RAB6A: variants seen among roughly 807,000 people sequenced by gnomAD.
The protein encoded by RAB6A is RAB6A, member RAS oncogene family.
A neutral mutation model predicts 32.3 loss-of-function variants in RAB6A; 8 were observed. The observed-to-expected ratio is 0.25, with a 90% confidence interval of 0.15 to 0.45. RAB6A has a LOEUF of 0.45. Among genes scored for constraint, RAB6A ranks in the 20% least tolerant of loss-of-function variants. The pLI, the probability that RAB6A is intolerant of heterozygous loss-of-function variation, is 1.00. For missense variants in RAB6A, 104 were observed against 249.4 expected (o/e 0.42, Z 3.93); for synonymous variants, 73 against 82.1 (o/e 0.89, Z 0.60).
chr11:73,706,411 G>A (rs1429579744), intron 6 of RAB6A, among the ~76,000 whole-genome samples: 3 of 151,976 alleles, frequency 2.0e-5, no homozygotes, highest in African/African-American at 7.3e-5. Context: ...CTACTCGGGA[G>A]GCTGAGGTAG....
In RAB6A at chr11:73,716,905, AT is replaced by A. The variant is rs1156633917; in HGVS notation, c.290-544del. On this transcript the variant is annotated intron_variant, in intron 4 of 7. Transcript: ENST00000336083. ...ATGCATCAGAAACACTTGTAACAAA[AT>A]TTATCTTTTCTAGTGTTGGATTCTA... Among the ~76,000 whole-genome samples, 9 of 152,234 alleles carry A rather than the reference AT, an allele frequency of 5.9e-5. 1 individual carries two copies. The highest frequency in any genetic ancestry group is 5.9e-4 in the Admixed American group (9 of 15,274).
intron 6 of RAB6A, among the ~76,000 whole-genome samples, chr11:73,691,714 A>G (rs1447905744): frequency 6.6e-6 from 1 of 152,196 alleles, no homozygotes; most frequent in East Asian, 1.9e-4. Context: ...TAATCCCAGC[A>G]CTTTGGGAGG....
At chr11:73,743,611 T>G (rs1946535547) in intron 1 of RAB6A, among the ~76,000 whole-genome samples, 1 of 151,938 alleles carries the variant, frequency 6.6e-6, no homozygotes. Flanking sequence ...GGCGAGATCC[T>G]GTCTCAGAAA....
intron 1 of RAB6A, 58 bp downstream of exon 1, chr11:73,760,508 G>A (rs905383234): frequency 1.6e-5 from 24 of 1,538,696 alleles, no homozygotes; most frequent in African/African-American, 6.9e-5. Flanking sequence ...GGGCCGCACC[G>A]GGGGCGGTGC....
intron 1 of RAB6A, among the ~76,000 whole-genome samples, chr11:73,734,188 C>T (rs1268022837): frequency 1.3e-5 from 2 of 152,262 alleles, no homozygotes; most frequent in East Asian, 1.9e-4. Context: ...TGCAGTGACA[C>T]GATATCAGCT....
intron 7 of RAB6A, among the ~76,000 whole-genome samples, chr11:73,678,521 G>A (rs1222825492): frequency 6.6e-6 from 1 of 151,616 alleles, no homozygotes; most frequent in African/African-American, 2.4e-5. Flanking sequence ...GGAGGCTGAG[G>A]CAGGAGAATC....
At position 73,679,817 on chromosome 11, in the gene RAB6A, C is replaced by T. The variant is rs745937586; in HGVS notation, c.496-97G>A. The T allele has an allele frequency of 3.1e-4, 461 of 1,495,818 alleles. 1 individual carries two copies. The highest frequency in any genetic ancestry group is 7.6e-4 in the Middle Eastern group (4 of 5,238). The allele number at this position is 1,495,818 out of a possible 1,614,324, so 92.7% of individuals were successfully genotyped here. On this transcript the variant is annotated intron_variant, in intron 6 of 7. Transcript: ENST00000336083. ...GTACAGTGAGCTGTCTAATGCTGGG[C>T]GCAGTGGCTCACACCTGTAATCCCA...
intron 1 of RAB6A, among the ~76,000 whole-genome samples, chr11:73,742,298 A>G (rs994795975): frequency 6.6e-6 from 1 of 151,800 alleles, no homozygotes; most frequent in South Asian, 2.1e-4. Flanking sequence ...AAATAAATAA[A>G]TAAATAATAA....
chr11:73,726,364 C>A (rs1306915361), intron 2 of RAB6A, among the ~76,000 whole-genome samples: 1 of 150,018 alleles, frequency 6.7e-6, no homozygotes, highest in Non-Finnish European at 1.5e-5. Flanking sequence ...GGGTGGATCA[C>A]GAGGTCAGGA....
intron 1 of RAB6A, among the ~76,000 whole-genome samples, chr11:73,731,924 A>G (rs1946321347): frequency 6.6e-6 from 1 of 150,598 alleles, no homozygotes; most frequent in Non-Finnish European, 1.5e-5. Flanking sequence ...TGTTATTTTT[A>G]GTAGAGATGG....
rs1590853724 is a variant in RAB6A, at chr11:73,713,305, T to C, written c.401+2946A>G. On this transcript the variant is annotated intron_variant, in intron 5 of 7. Coordinates refer to ENST00000336083, the MANE Select transcript of RAB6A (RefSeq NM_198896.2). Reference sequence around the variant, plus strand: ...GGCTTTCAGGGCTGGGTGTGGTGGCTCACGCCTGTAATCCCAGCACTTTGG... The same window carrying C: ...GGCTTTCAGGGCTGGGTGTGGTGGCCCACGCCTGTAATCCCAGCACTTTGG... Among the ~76,000 whole-genome samples, 3 of 152,240 alleles carry C rather than the reference T, an allele frequency of 2.0e-5. No homozygotes were observed. In the East Asian group the frequency reaches 5.8e-4, roughly 29 times the overall value.
intron 6 of RAB6A, among the ~76,000 whole-genome samples, chr11:73,701,257 CAAATA>C (rs1368982107): frequency 6.6e-6 from 1 of 152,036 alleles, no homozygotes; most frequent in Non-Finnish European, 1.5e-5. Flanking sequence ...ATGATTTTGT[CAAATA>C]AAATGAGTAC....
At chr11:73,709,963 T>TATATCTA (rs200611952) in intron 5 of RAB6A, among the ~76,000 whole-genome samples, 13 of 49,710 alleles carry the variant, frequency 2.6e-4, no homozygotes, top group Admixed American at 1.4e-3. Flanking sequence ...ATATATATAT[T>TATATCTA]TTTTTTTTTT....
At chr11:73,690,890 C>T (rs200606136) in intron 6 of RAB6A, among the ~76,000 whole-genome samples, 1 of 31,850 alleles carries the variant, frequency 3.1e-5, no homozygotes, top group Non-Finnish European at 7.3e-5. Context: ...TATTAGGAAA[C>T]ATTAAAAAAA....
intron 6 of RAB6A, 90 bp from the exon 7 acceptor site, chr11:73,679,810 T>C (rs947254662): frequency 2.1e-5 from 32 of 1,548,872 alleles, no homozygotes; most frequent in Non-Finnish European, 5.3e-6. Flanking sequence ...AGCTGTCTAA[T>C]GCTGGGCGCA....
intron 2 of RAB6A, among the ~76,000 whole-genome samples, chr11:73,726,852 C>T (rs1247909508): frequency 2.0e-5 from 3 of 151,154 alleles, no homozygotes; most frequent in Admixed American, 1.3e-4. Flanking sequence ...TGTGAACCAC[C>T]GGAGTAGAAA....
chr11:73,705,988 A>C (rs1174331406), intron 6 of RAB6A, among the ~76,000 whole-genome samples: 1 of 152,186 alleles, frequency 6.6e-6, no homozygotes, highest in African/African-American at 2.4e-5. Flanking sequence ...AAAAAAAATG[A>C]ACATTCTAAG....
chr11:73,699,461 ATT>A (rs1945707286), intron 6 of RAB6A, among the ~76,000 whole-genome samples: 1 of 151,970 alleles, frequency 6.6e-6, no homozygotes, highest in Non-Finnish European at 1.5e-5. Context: ...ATTTTTCATT[ATT>A]CTGTAGAGAC....
In RAB6A at chr11:73,743,304, C is replaced by CAA. The variant is rs56400918; in HGVS notation, c.71-12483_71-12482dup. Among the ~76,000 whole-genome samples, 781 of 103,336 alleles carry CAA rather than the reference C, an allele frequency of 7.6e-3. 5 individuals are homozygous for CAA. The highest frequency in any genetic ancestry group is 0.024 in the African/African-American group (657 of 27,598). The allele number at this position is 103,336 out of a possible 152,430, so 67.8% of individuals were successfully genotyped here. ...TGATCAACAGAGCGAAACTCTGTCTCAAAAAAAAAAAAAAAAAGAGAAAAA... is the reference window on the plus strand; with the variant it reads ...TGATCAACAGAGCGAAACTCTGTCTCAAAAAAAAAAAAAAAAAAAGAGAAAAA... On this transcript the variant is annotated intron_variant, in intron 1 of 7. Transcript: ENST00000336083.
Sources: allele counts gnomAD v4.1 joint callset (sites outside exome capture counted in the v4.1 genomes callset), GRCh38; gene constraint gnomAD v4.1.1; transcripts MANE v1.5; gene names NCBI Gene and HGNC (gene_info 2026-07-23, HGNC 2026-07-21).